ACSS3: variants seen among roughly 807,000 people sequenced by gnomAD.
ACSS3 encodes the protein acyl-CoA synthetase short-chain family member 3, mitochondrial.
In ACSS3, 64 loss-of-function variants were observed where a neutral mutation model predicts 84.2. The observed-to-expected ratio is 0.76, with a 90% CI of 0.62 to 0.94. ACSS3 has a LOEUF of 0.94. ACSS3 is among the 40% of genes least tolerant of loss of function. The probability of loss-of-function intolerance (pLI) is 0.00; values close to 1 mark genes in which losing one functional copy is unlikely to be tolerated. For synonymous variants in ACSS3, 317 were observed against 310.1 expected (o/e 1.02, Z -0.23); for missense variants, 815 against 867.6 (o/e 0.94, Z 0.76).
In ACSS3 at chr12:81,086,271, CA is replaced by C. The variant is rs77152281; in HGVS notation, c.311+7841del. Among the ~76,000 whole-genome samples, 1,429 of 152,142 alleles carry C rather than the reference CA, an allele frequency of 9.4e-3. 18 individuals carry two copies. Among genetic ancestry groups the C allele is most frequent in the East Asian group, 0.046 (238 of 5,174 alleles). On this transcript the variant is annotated intron_variant, in intron 1 of 15. Coordinates refer to ENST00000548058, the MANE Select transcript of ACSS3 (RefSeq NM_024560.4). ...AGGTATATTTAAAATATAAAATCAT[CA>C]TTATTTTATAGATTTAAAAATATTT...
chr12:81,196,267 T>G (rs1180294286), intron 8 of ACSS3, among the ~76,000 whole-genome samples: 4 of 152,178 alleles, frequency 2.6e-5, no homozygotes, highest in Non-Finnish European at 5.9e-5. Flanking sequence ...TATGGTAGCC[T>G]CTGGCCTCAT....
chr12:81,203,190 GAGA>G (rs1222176823), intron 9 of ACSS3, among the ~76,000 whole-genome samples: 3 of 152,168 alleles, frequency 2.0e-5, no homozygotes, highest in Non-Finnish European at 2.9e-5. Context: ...CCAGGGATAG[GAGA>G]AGAAGAGTGT....
intron 8 of ACSS3, among the ~76,000 whole-genome samples, chr12:81,175,446 T>C (rs1362967132): frequency 6.6e-6 from 1 of 152,170 alleles, no homozygotes; most frequent in African/African-American, 2.4e-5. Flanking sequence ...ACTGACAGTA[T>C]TCAATAGATG....
intron 7 of ACSS3, among the ~76,000 whole-genome samples, chr12:81,161,393 C>T (rs1398485436): frequency 1.3e-5 from 2 of 152,154 alleles, no homozygotes; most frequent in Admixed American, 6.5e-5. Context: ...AAAGTGAACT[C>T]GAAGGCTTTA....
At chr12:81,158,515 T>TTGCCAAAGTCAA (rs1254930938) in intron 7 of ACSS3, 2 of 154,188 alleles carry the variant, frequency 1.3e-5, no homozygotes, top group African/African-American at 4.8e-5. Flanking sequence ...TCATCTCTAC[T>TTGCCAAAGTCAA]TGCCAAAGTC....
At chr12:81,228,097 G>C (rs1212034283) in intron 11 of ACSS3, among the ~76,000 whole-genome samples, 1 of 151,758 alleles carries the variant, frequency 6.6e-6, no homozygotes, top group Non-Finnish European at 1.5e-5. Context: ...GATATGATTA[G>C]GATGACCTAT....
intron 7 of ACSS3, among the ~76,000 whole-genome samples, chr12:81,160,128 T>C (rs190377437): frequency 6.6e-6 from 1 of 152,352 alleles, no homozygotes; most frequent in Admixed American, 6.5e-5. Context: ...TGTTTCTCCT[T>C]AAATCCGGCT....
At chr12:81,164,301 A>G (rs1422509501) in intron 7 of ACSS3, among the ~76,000 whole-genome samples, 1 of 152,206 alleles carries the variant, frequency 6.6e-6, no homozygotes, top group Non-Finnish European at 1.5e-5. Context: ...AGGCAATACC[A>G]TATAGCCTCA....
At chr12:81,202,962 T>C (rs2032175152) in intron 9 of ACSS3, among the ~76,000 whole-genome samples, 1 of 152,138 alleles carries the variant, frequency 6.6e-6, no homozygotes, top group Non-Finnish European at 1.5e-5. Context: ...AGAGATTGGC[T>C]GACATGATTA....
chr12:81,089,767 TAATTATGAAG>T (rs1202705832), intron 1 of ACSS3, among the ~76,000 whole-genome samples: 4 of 152,072 alleles, frequency 2.6e-5, no homozygotes, highest in African/African-American at 9.6e-5. Context: ...GTTTTGGTAC[TAATTATGAAG>T]AATTTGATTT....
chr12:81,252,414 C>G (rs896023759), intron 13 of ACSS3, among the ~76,000 whole-genome samples: 11 of 152,044 alleles, frequency 7.2e-5, no homozygotes, highest in African/African-American at 2.7e-4. Flanking sequence ...AGCAAATATT[C>G]ATTGAATGAA....
At chr12:81,087,882 C>G (rs1565968453) in intron 1 of ACSS3, among the ~76,000 whole-genome samples, 1 of 152,070 alleles carries the variant, frequency 6.6e-6, no homozygotes, top group African/African-American at 2.4e-5. Context: ...GTGGAGAAAA[C>G]AAACTGATTT....
chr12:81,159,213 A>C (rs560167655), intron 7 of ACSS3, among the ~76,000 whole-genome samples: 5 of 152,206 alleles, frequency 3.3e-5, no homozygotes, highest in Middle Eastern at 3.4e-3. Flanking sequence ...ACCTGTATTT[A>C]AGTAGTTTAT....
intron 1 of ACSS3, among the ~76,000 whole-genome samples, chr12:81,097,946 T>C (rs1424490486): frequency 1.3e-5 from 2 of 151,828 alleles, no homozygotes; most frequent in East Asian, 3.9e-4. Context: ...TGTTCAACTT[T>C]GTTTTGTTGT....
intron 9 of ACSS3, among the ~76,000 whole-genome samples, chr12:81,207,172 T>A (rs563342062): frequency 6.6e-6 from 1 of 152,266 alleles, no homozygotes; most frequent in South Asian, 2.1e-4. Flanking sequence ...GTTGAAAATA[T>A]GTCATGTTTT....
At chr12:81,211,758 A>AT (rs1388987175) in intron 9 of ACSS3, among the ~76,000 whole-genome samples, 2 of 152,312 alleles carry the variant, frequency 1.3e-5, no homozygotes, top group Middle Eastern at 3.4e-3. Flanking sequence ...TGATTCATTA[A>AT]TTTTTTGTTC....
chr12:81,170,534 G>T (rs1257878194), intron 7 of ACSS3, among the ~76,000 whole-genome samples: 1 of 151,946 alleles, frequency 6.6e-6, no homozygotes, highest in Non-Finnish European at 1.5e-5. Context: ...TTATTATCTA[G>T]GAAGCAACTA....
rs147879810 is a variant in ACSS3, at chr12:81,251,798, A to C, written c.1720-1509A>C. Among the ~76,000 whole-genome samples the C allele has an allele frequency of 5.1e-3, 769 of 152,200 alleles. 4 individuals carry two copies. The highest frequency in any genetic ancestry group is 8.6e-3 in the Non-Finnish European group (587 of 68,014). On this transcript the variant is annotated intron_variant, in intron 13 of 15. Transcript: ENST00000548058. ...ATTGAGGTTGCAGTGATCTATGAAC[A>C]TGCCAGCGCACTCCAGCTTAGGTGG...
At chr12:81,210,424 C>A (rs1326034101) in intron 9 of ACSS3, among the ~76,000 whole-genome samples, 1 of 152,076 alleles carries the variant, frequency 6.6e-6, no homozygotes, top group Admixed American at 6.6e-5. Context: ...TTTAAGAGGA[C>A]ATTGAGAAAG....
Sources: allele counts gnomAD v4.1 joint callset (sites outside exome capture counted in the v4.1 genomes callset), GRCh38; gene constraint gnomAD v4.1.1; transcripts MANE v1.5; gene names NCBI Gene and HGNC (gene_info 2026-07-23, HGNC 2026-07-21).